SLIT3: variants seen among roughly 807,000 people sequenced by gnomAD.
SLIT3 encodes slit guidance ligand 3, also known as slit homolog 3 protein.
In SLIT3, 68 loss-of-function variants were observed where a neutral mutation model predicts 184.0. The ratio of observed to expected loss-of-function variants is 0.37; its 90% CI spans 0.30 to 0.45. The LOEUF (loss-of-function observed/expected upper bound fraction) is 0.45, where lower values mean the gene tolerates loss of function less well. Ranked by LOEUF, SLIT3 falls within the 20% of genes least tolerant of loss-of-function variation. The pLI, the probability that SLIT3 is intolerant of heterozygous loss-of-function variation, is 1.00. For missense variants in SLIT3, 1,707 were observed against 2,026.0 expected, an observed-to-expected ratio of 0.84 and a Z score of 3.02; for synonymous variants, 831 against 828.6, an observed-to-expected ratio of 1.00 and a Z score of -0.05.
intron 4 of SLIT3, among the ~76,000 whole-genome samples, chr5:168,974,473 T>C (rs908845826): frequency 2.4e-4 from 36 of 152,308 alleles, no homozygotes; most frequent in African/African-American, 8.7e-4. Context: ...TTTCTAGAGA[T>C]TTAAGGGTGA....
rs1767648293 is a variant in SLIT3 at position 169,300,518 on chromosome 5, C to T, written c.192G>A (p.Glu64=). ...GGTGGGGCAGGGGTACTCACAGGCG[C>T]TCAGCGTTGCGGGGGATGCCCCGAG... ...AVPRGIPRNA[E]RLDLDRNNIT... Residue 64 remains glutamate, a synonymous_variant, in exon 1 of 36, where the codon GAG becomes GAA. Transcript: ENST00000519560. The surrounding 1 kb of genome is among the most constrained non-coding windows in gnomAD (Gnocchi z 4.1). 5.3e-6 allele frequency: 8 copies of T among 1,503,948 alleles called. No individual in the cohort carries two copies. Among genetic ancestry groups the T allele is most frequent in the East Asian group, 2.8e-5 (1 of 36,106 alleles). 93.2% of individuals were successfully genotyped at this position (1,503,948 alleles called of 1,614,324 possible).
intron 1 of SLIT3, among the ~76,000 whole-genome samples, chr5:169,251,845 C>T (rs1413500875): frequency 6.6e-6 from 1 of 152,158 alleles, no homozygotes; most frequent in African/African-American, 2.4e-5. Flanking sequence ...CTGACCACAG[C>T]AAATGTTTCA....
At chr5:168,820,351 G>A (rs1328150912) in intron 7 of SLIT3, among the ~76,000 whole-genome samples, 5 of 152,156 alleles carry the variant, frequency 3.3e-5, no homozygotes, top group Non-Finnish European at 1.5e-5. Context: ...AACTGCCTGA[G>A]TCTGACACTG....
At chr5:169,139,169 C>T (rs1366745332) in intron 4 of SLIT3, among the ~76,000 whole-genome samples, 1 of 152,230 alleles carries the variant, frequency 6.6e-6, no homozygotes, top group Non-Finnish European at 1.5e-5. Flanking sequence ...ATTGTTTTCT[C>T]AAAGCCCTAA....
chr5:168,752,912 TG>T, intron 18 of SLIT3, 42 bp downstream of exon 18: 1 of 1,597,624 alleles, frequency 6.3e-7, no homozygotes, highest in Non-Finnish European at 8.6e-7. Context: ...CGCTGCAGAG[TG>T]GGATCCCAGA....
intron 31 of SLIT3, among the ~76,000 whole-genome samples, chr5:168,684,764 C>T (rs564210437): frequency 1.2e-3 from 177 of 152,210 alleles, no homozygotes; most frequent in African/African-American, 4.2e-3. Flanking sequence ...GCCACTGCAC[C>T]TGGCTAATAA....
At chr5:168,951,206 C>A (rs1762642148) in intron 4 of SLIT3, among the ~76,000 whole-genome samples, 1 of 152,156 alleles carries the variant, frequency 6.6e-6, no homozygotes, top group East Asian at 1.9e-4. Context: ...GGCGACAGAG[C>A]AAGACTGTCT....
At chr5:169,122,874 C>A (rs1581431877) in intron 4 of SLIT3, among the ~76,000 whole-genome samples, 1 of 152,298 alleles carries the variant, frequency 6.6e-6, no homozygotes, top group Non-Finnish European at 1.5e-5. Context: ...GAAGCTCATT[C>A]TTCTACAAAA....
chr5:168,997,014 G>A (rs775802189), intron 4 of SLIT3, among the ~76,000 whole-genome samples: 32 of 152,112 alleles, frequency 2.1e-4, no homozygotes, highest in Non-Finnish European at 1.0e-4. Context: ...CTGTCAGGCC[G>A]GGTTAGTGCA....
intron 20 of SLIT3, among the ~76,000 whole-genome samples, chr5:168,745,047 T>C (rs1174503900): frequency 6.6e-6 from 1 of 152,238 alleles, no homozygotes. Flanking sequence ...TGAACATTTG[T>C]GATTCATGGT....
At chr5:169,205,578 G>T (rs908473133) in intron 3 of SLIT3, among the ~76,000 whole-genome samples, 1 of 152,088 alleles carries the variant, frequency 6.6e-6, no homozygotes, top group Admixed American at 6.6e-5. Flanking sequence ...TTGGTTAGTT[G>T]GTTGGTTCAT....
chr5:169,100,272 G>A (rs557444434), intron 4 of SLIT3, among the ~76,000 whole-genome samples: 6 of 152,140 alleles, frequency 3.9e-5, no homozygotes, highest in Admixed American at 2.0e-4. Context: ...AGTCAGACGG[G>A]AAGGAGAGGA....
chr5:169,055,598 T>C (rs1218929148), intron 4 of SLIT3, among the ~76,000 whole-genome samples: 1 of 152,080 alleles, frequency 6.6e-6, no homozygotes, highest in Non-Finnish European at 1.5e-5. Context: ...TCCCAGCACT[T>C]TGGGAGGCCA....
At chr5:168,952,528 C>CAAA (rs372134778) in intron 4 of SLIT3, among the ~76,000 whole-genome samples, 1,691 of 77,788 alleles carry the variant, frequency 0.022, 23 homozygotes, top group Middle Eastern at 0.038. Flanking sequence ...GGGAAAATGC[C>CAAA]AAAAAAAAAA....
intron 5 of SLIT3, among the ~76,000 whole-genome samples, chr5:168,847,402 C>T (rs571494738): frequency 2.0e-5 from 3 of 152,326 alleles, no homozygotes; most frequent in African/African-American, 7.2e-5. Flanking sequence ...CAAGATGCCA[C>T]ATTCATTACC....
At chr5:168,840,148 G>A (rs924227906) in intron 6 of SLIT3, among the ~76,000 whole-genome samples, 1 of 152,130 alleles carries the variant, frequency 6.6e-6, no homozygotes, top group African/African-American at 2.4e-5. Context: ...GTTATCTATG[G>A]ACCTGTTGGG....
chr5:169,057,325 C>A (rs1232188192), intron 4 of SLIT3, among the ~76,000 whole-genome samples: 1 of 152,178 alleles, frequency 6.6e-6, no homozygotes, highest in Non-Finnish European at 1.5e-5. Flanking sequence ...GAGCTGAGGT[C>A]TGGAAAGATG....
chr5:169,046,268 A>C (rs914900634), intron 4 of SLIT3, among the ~76,000 whole-genome samples: 2 of 152,228 alleles, frequency 1.3e-5, no homozygotes, highest in African/African-American at 4.8e-5. Context: ...TGTACAGCAC[A>C]TTGTGAGCAC....
At chr5:168,737,283 C>T (rs1763468237) in intron 20 of SLIT3, among the ~76,000 whole-genome samples, 1 of 152,136 alleles carries the variant, frequency 6.6e-6, no homozygotes, top group Non-Finnish European at 1.5e-5. Flanking sequence ...CCTCCATCCC[C>T]TAACTCCTTG....
Sources: gnomAD v4.1 joint callset for allele counts (sites outside exome capture counted in the v4.1 genomes callset) on GRCh38, gnomAD v4.1.1 for gene constraint, Gnocchi (gnomAD v3.1) non-coding constraint, MANE v1.5 for transcripts, NCBI Gene and HGNC (gene_info 2026-07-23, HGNC 2026-07-21) for gene names.